Variants in JKAMP observed in about 807,000 individuals in gnomAD.
The protein encoded by JKAMP is JNK1/MAPK8-associated membrane protein.
JKAMP carries 20 observed loss-of-function variants against 40.2 expected under a neutral mutation model. That is an observed-to-expected ratio of 0.50 (90% confidence interval 0.35 to 0.72). The LOEUF is 0.72. Ranked by LOEUF, JKAMP falls within the 30% of genes least tolerant of loss-of-function variation. The pLI is 0.01. For missense variants in JKAMP, 276 were observed against 373.0 expected (o/e 0.74, Z 2.14); for synonymous variants, 138 against 131.6 (o/e 1.05, Z -0.33).
intron 6 of JKAMP, among the ~76,000 whole-genome samples, chr14:59,502,999 C>T (rs958063468): frequency 6.6e-6 from 1 of 151,840 alleles, no homozygotes; most frequent in Non-Finnish European, 1.5e-5. Context: ...CCACCCACCT[C>T]GGCCTCCCAC....
intron 3 of JKAMP, 127 bp from the exon 4 acceptor site, chr14:59,494,891 A>C: frequency 1.5e-6 from 1 of 653,044 alleles, no homozygotes; most frequent in Non-Finnish European, 2.7e-6. Flanking sequence ...AAAAAAGGTT[A>C]TACTCGAGTA....
At chr14:59,486,117 T>C (rs941321914) in intron 1 of JKAMP, 2 of 152,222 alleles carry the variant, frequency 1.3e-5, no homozygotes, top group Non-Finnish European at 2.9e-5. Flanking sequence ...TTCTAAAATA[T>C]TGGCCCAGTG....
At chr14:59,500,998 C>A in intron 5 of JKAMP, 193 bp from the exon 6 acceptor site, 1 of 529,306 alleles carries the variant, frequency 1.9e-6, no homozygotes, top group South Asian at 2.5e-5. Flanking sequence ...AAATGCAGGG[C>A]TGAAACTATT....
chr14:59,494,813 A>T (rs1891316101), intron 3 of JKAMP, among the ~76,000 whole-genome samples: 1 of 152,230 alleles, frequency 6.6e-6, no homozygotes, highest in South Asian at 2.1e-4. Context: ...TGCAGGGTAG[A>T]TATAATTTCT....
intron 6 of JKAMP, among the ~76,000 whole-genome samples, chr14:59,502,773 T>TTTTTGTTTTTTTTTTTTTTTTTTTG (rs796697193): frequency 1.9e-5 from 2 of 102,834 alleles, no homozygotes; most frequent in South Asian, 3.3e-4. Context: ...TTTTTTTTTT[T>TTTTTGTTTTTTTTTTTTTTTTTTTG]CGGAGTCTCA....
intron 6 of JKAMP, among the ~76,000 whole-genome samples, chr14:59,502,755 T>TGTTTTGTTTTGTTTTTTTTTTTTGTTTTG (rs67189643): frequency 8.1e-6 from 1 of 122,916 alleles, no homozygotes; most frequent in Non-Finnish European, 1.6e-5. Flanking sequence ...ATGAGATTTT[T>TGTTTTGTTTTGTTTTTTTTTTTTGTTTTG]TTTTTTTTTT....
At chr14:59,501,435 A>G (rs895436625) in intron 6 of JKAMP, among the ~76,000 whole-genome samples, 168 bp downstream of exon 6, 2 of 152,198 alleles carry the variant, frequency 1.3e-5, no homozygotes, top group Non-Finnish European at 2.9e-5. Context: ...AAAGTTGTGT[A>G]CTGGACTATA....
At chr14:59,491,537 G>A (rs1891004720) in intron 3 of JKAMP, among the ~76,000 whole-genome samples, 1 of 152,196 alleles carries the variant, frequency 6.6e-6, no homozygotes, top group African/African-American at 2.4e-5. Context: ...ATTATGTAAT[G>A]TGAATGTGTG....
chr14:59,492,797 ATT>A (rs61117183), intron 3 of JKAMP, among the ~76,000 whole-genome samples: 48,233 of 131,412 alleles, frequency 0.37, 8,744 homozygotes, highest in African/African-American at 0.46. Flanking sequence ...GAGAGCTGCT[ATT>A]TTTTTTTTTT....
rs1232748146 is a variant in JKAMP at position 59,495,073 on chromosome 14, A to G, written c.307A>G (p.Ile103Val). ...ATTATTTGAATGCAGCATGGCAGCT[A>G]TTATCACCTTACTTGTGAGTGATCC... ...TALFECSMAA[I>V]ITLLVSDPVG... is the part of the protein sequence containing the mutation. The change falls in exon 4 of 7, where the codon ATT becomes GTT. Residue 103 changes from isoleucine to valine, a missense_variant. By Grantham distance (29) the Ile-to-Val change is conservative. Transcript: ENST00000616435. The G allele has an allele frequency of 9.3e-6, 15 of 1,613,804 alleles. No individual in the cohort carries two copies. The highest frequency in any genetic ancestry group is 1.3e-5 in the Non-Finnish European group (15 of 1,179,848).
Position 59,505,193 on chromosome 14 carries a change from C to T in JKAMP, c.*1121C>T. The stretch of plus-strand genomic sequence containing the variant: ...TATGAAAGTAAGTGCACTCACTTTT[C>T]CTGTAGTAGTCTGTCTTTTGAATTC... On this transcript the variant is annotated 3_prime_UTR_variant, in exon 7 of 7. Coordinates refer to ENST00000616435, the MANE Select transcript of JKAMP (RefSeq NM_016475.5). The T allele has an allele frequency of 2.0e-6, 2 of 1,018,256 alleles. No homozygotes were observed. Among genetic ancestry groups the T allele is most frequent in the East Asian group, 5.3e-5 (2 of 37,424 alleles). 63.1% of individuals were successfully genotyped at this position (1,018,256 alleles called of 1,614,324 possible). A position where few individuals can be genotyped will look rare whatever the true frequency, so the allele number is the denominator to read the frequency against.
In JKAMP at chr14:59,498,814, G is replaced by A. The variant is rs1039379967; in HGVS notation, c.546G>A (p.Gly182=). Residue 182 remains glycine (G), a synonymous_variant, in exon 5 of 7, where the codon GGG becomes GGA. Transcript: ENST00000616435. ...RPLLVKKIAC[G]LGKSDRFKSI... ...TTCTGGTGAAGAAGATTGCATGTGG[G>A]TTAGGGAAATCTGATCGATTTAAAA... 1.2e-6 allele frequency: 2 copies of A among 1,611,454 alleles called. No homozygotes were observed. Among genetic ancestry groups the A allele is most frequent in the Admixed American group, 1.7e-5 (1 of 59,846 alleles).
intron 5 of JKAMP, among the ~76,000 whole-genome samples, chr14:59,499,621 G>A (rs1340831070): frequency 2.0e-5 from 3 of 152,122 alleles, no homozygotes; most frequent in Non-Finnish European, 2.9e-5. Flanking sequence ...AAAATGTAGT[G>A]TGGTTCTTTT....
intron 4 of JKAMP, among the ~76,000 whole-genome samples, chr14:59,497,366 G>A (rs1477737770): frequency 6.6e-6 from 1 of 152,168 alleles, no homozygotes; most frequent in Non-Finnish European, 1.5e-5. Context: ...TGAAAGAGGG[G>A]AAGAGTGGAA....
At chr14:59,503,458 C>T (rs7145491) in intron 6 of JKAMP, among the ~76,000 whole-genome samples, 59,262 of 151,968 alleles carry the variant, frequency 0.39, 12,304 homozygotes, top group African/African-American at 0.52. Context: ...GGTTTCTGTA[C>T]CTCCTATTTC....
intron 3 of JKAMP, among the ~76,000 whole-genome samples, chr14:59,492,797 ATTT>A (rs61117183): frequency 0.016 from 2,116 of 131,960 alleles, 31 homozygotes; most frequent in African/African-American, 0.047. Flanking sequence ...GAGAGCTGCT[ATTT>A]TTTTTTTTTT....
chr14:59,496,147 C>T (rs867341720), intron 4 of JKAMP, among the ~76,000 whole-genome samples: 2 of 152,290 alleles, frequency 1.3e-5, no homozygotes, highest in Middle Eastern at 3.4e-3. Context: ...CTTAAGTGAT[C>T]TACCCACCTT....
intron 3 of JKAMP, among the ~76,000 whole-genome samples, chr14:59,491,689 G>A (rs1023380449): frequency 5.9e-5 from 9 of 152,204 alleles, no homozygotes; most frequent in Admixed American, 5.2e-4. Flanking sequence ...AGACATTGCT[G>A]GTCCCAGCTG....
chr14:59,495,041 T>C lies in JKAMP; in HGVS notation c.275T>C (p.Ile92Thr), dbSNP rs772508066. 1.5e-5 allele frequency: 25 copies of C among 1,613,638 alleles called. No homozygotes were observed. In the Admixed American group the frequency reaches 3.0e-4, roughly 19 times the overall value. ...AGTTCCAGCGCACTTTTCCAACACA[T>C]CACTGCATTATTTGAATGCAGCATG... ...KKSSSALFQH[I>T]TALFECSMAA... is the part of the protein sequence containing the mutation. Residue 92 changes from isoleucine to threonine, a missense_variant, in exon 4 of 7, where the codon ATC (isoleucine) becomes ACC (threonine). By Grantham distance (89) the Ile-to-Thr change is moderately conservative. Coordinates refer to ENST00000616435, the MANE Select transcript of JKAMP (RefSeq NM_016475.5).
Sources: allele counts gnomAD v4.1 joint callset (sites outside exome capture counted in the v4.1 genomes callset), GRCh38; gene constraint gnomAD v4.1.1; transcripts MANE v1.5; gene names NCBI Gene and HGNC (gene_info 2026-07-23, HGNC 2026-07-21).